SEPTIN5: variants seen among roughly 807,000 people sequenced by gnomAD.
SEPTIN5 encodes septin-5.
In SEPTIN5, 16 loss-of-function variants were observed where a neutral mutation model predicts 51.2. The observed-to-expected ratio is 0.31, with a 90% CI of 0.21 to 0.47. The LOEUF (loss-of-function observed/expected upper bound fraction) is 0.47, where lower values mean the gene tolerates loss of function less well. SEPTIN5 is among the 20% of genes least tolerant of loss of function. The probability of loss-of-function intolerance (pLI) is 0.99; values close to 1 mark genes in which losing one functional copy is unlikely to be tolerated. For missense variants in SEPTIN5, 376 were observed against 500.3 expected (o/e 0.75, Z 2.37); for synonymous variants, 208 against 191.2 (o/e 1.09, Z -0.72).
rs749017007 is a variant in SEPTIN5 at position 19,720,799 on chromosome 22, A to G, written c.647A>G (p.His216Arg). ...GAGGAGATTGACAAGTTTGGGATCC[A>G]TGTATACCAGTTCCCTGAGTGTGAC... is the stretch of plus-strand genomic sequence containing the variant. ...IREEIDKFGIHVYQFPECDSD... is the reference protein window; with the variant it reads ...IREEIDKFGIRVYQFPECDSD... Residue 216 changes from histidine to arginine, a missense_variant, in exon 8 of 12, where the codon CAT (histidine) becomes CGT (arginine). By Grantham distance (29) the His-to-Arg change is conservative (BLOSUM62 0). This residue lies in a region of SEPTIN5 where 287 missense variants were observed against 417.1 expected (regional missense o/e 0.69). Transcript: ENST00000455784. 3 of 1,613,758 alleles carry G rather than the reference A, an allele frequency of 1.9e-6. No homozygotes were observed. Among genetic ancestry groups the G allele is most frequent in the Admixed American group, 3.3e-5 (2 of 60,026 alleles).
intron 2 of SEPTIN5, among the ~76,000 whole-genome samples, chr22:19,716,125 G>A (rs1474780726): frequency 6.6e-6 from 1 of 152,210 alleles, no homozygotes; most frequent in Non-Finnish European, 1.5e-5. Context: ...CCCATCGTTT[G>A]AGGTCAACCG....
intron 2 of SEPTIN5, among the ~76,000 whole-genome samples, chr22:19,715,834 C>G (rs1489078157): frequency 1.3e-5 from 2 of 152,324 alleles, no homozygotes; most frequent in East Asian, 1.9e-4. Flanking sequence ...CTGGGAGGGG[C>G]CCCTTGGGGA....
chr22:19,715,775 G>T (rs1935903635), intron 2 of SEPTIN5, among the ~76,000 whole-genome samples: 1 of 152,188 alleles, frequency 6.6e-6, no homozygotes, highest in Non-Finnish European at 1.5e-5. Context: ...GCTGACCAGT[G>T]CCATTCTCCT....
chr22:19,718,664 G>T (rs1935957241), intron 2 of SEPTIN5: 2 of 1,287,470 alleles, frequency 1.6e-6, no homozygotes, highest in East Asian at 2.8e-5. Context: ...AAGGTCCCTC[G>T]CTGTCGCCGG....
At position 19,722,676 on chromosome 22, in the gene SEPTIN5, C is replaced by T. The variant is rs1263462247; in HGVS notation, c.*192C>T. 6 of 646,256 alleles carry T rather than the reference C, an allele frequency of 9.3e-6. No individual in the cohort carries two copies. Among genetic ancestry groups the T allele is most frequent in the African/African-American group, 3.7e-5 (2 of 54,774 alleles). 40.0% of individuals were successfully genotyped at this position (646,256 alleles called of 1,614,324 possible). A position where few individuals can be genotyped will look rare whatever the true frequency, so the allele number is the denominator to read the frequency against. On this transcript the variant is annotated 3_prime_UTR_variant, in exon 12 of 12. Coordinates refer to ENST00000455784, the MANE Select transcript of SEPTIN5 (RefSeq NM_002688.6). ...GACCGTAGCCCCCGCCCAGCTGGCC[C>T]TCTCTGACCTTGGGGGATCAGGAGC... is the stretch of plus-strand genomic sequence containing the variant.
At position 19,714,978 on chromosome 22, in the gene SEPTIN5, C is replaced by G. The variant is rs551819884; in HGVS notation, c.54+187C>G. 2.5e-4 allele frequency among the ~76,000 whole-genome samples: 38 copies of G among 152,348 alleles called. No homozygotes were observed. The South Asian group carries it at 7.9e-3, about 32-fold the overall frequency. On this transcript the variant is annotated intron_variant, in intron 2 of 11. Coordinates refer to ENST00000455784, the MANE Select transcript of SEPTIN5 (RefSeq NM_002688.6). The surrounding 1 kb of genome is among the most constrained non-coding windows in gnomAD (Gnocchi z 5.2). ...GCTTCAGAGGAGAGGAGTGGGGGCCCTGGTCCCCGGACCCGCACAGCAGGG... is the reference window on the plus strand; with the variant it reads ...GCTTCAGAGGAGAGGAGTGGGGGCCGTGGTCCCCGGACCCGCACAGCAGGG...
chr22:19,720,964 G>A, intron 8 of SEPTIN5, 95 bp downstream of exon 8: 1 of 1,105,076 alleles, frequency 9.0e-7, no homozygotes, highest in South Asian at 1.3e-5. Context: ...GCTGGAGGAG[G>A]GCCAGGTCAG....
chr22:19,720,745 T>G, intron 7 of SEPTIN5, 23 bp from the exon 8 acceptor site: 1 of 1,612,596 alleles, frequency 6.2e-7, no homozygotes, highest in African/African-American at 1.3e-5. Flanking sequence ...GCCTCAAATC[T>G]GATGGTCCTT....
rs1458551311 is a variant in SEPTIN5, at chr22:19,714,518, C to CTCGGCA, written c.-66_-65insATCGGC. On this transcript the variant is annotated 5_prime_UTR_variant, in exon 1 of 12. Transcript: ENST00000455784. The surrounding 1 kb of genome is among the most constrained non-coding windows in gnomAD (Gnocchi z 5.2). Reference sequence around the variant, plus strand: ...GGGGCCGCTCACCCCGCAGCCCGGCCTCGGCCTCCGCCGCTTGTCGTCGCG... The same window carrying CTCGGCA: ...GGGGCCGCTCACCCCGCAGCCCGGCCTCGGCATCGGCCTCCGCCGCTTGTCGTCGCG... 8.7e-7 allele frequency: 1 copy of CTCGGCA among 1,146,880 alleles called. No homozygotes were observed. The highest frequency in any genetic ancestry group is 1.6e-5 in the African/African-American group (1 of 60,668). 71.0% of individuals were successfully genotyped at this position (1,146,880 alleles called of 1,614,324 possible).
chr22:19,716,205 A>G (rs1354040137), intron 2 of SEPTIN5, among the ~76,000 whole-genome samples: 1 of 152,154 alleles, frequency 6.6e-6, no homozygotes, highest in African/African-American at 2.4e-5. Context: ...CTGTGTGGCC[A>G]AGGAAGGGAG....
intron 7 of SEPTIN5, 48 bp from the exon 8 acceptor site, chr22:19,720,720 A>AG (rs759977439): frequency 1.2e-6 from 2 of 1,611,872 alleles, no homozygotes; most frequent in Admixed American, 1.7e-5. Flanking sequence ...TGAGAGTACC[A>AG]GGGGGACTTG....
chr22:19,719,015 C>T, intron 2 of SEPTIN5: 1 of 532,208 alleles, frequency 1.9e-6, no homozygotes, highest in Non-Finnish European at 2.8e-6. Flanking sequence ...GACTCCAAAA[C>T]GCGGCGGAGA....
intron 2 of SEPTIN5, chr22:19,719,050 G>A: frequency 2.4e-6 from 1 of 411,940 alleles, no homozygotes; most frequent in Non-Finnish European, 4.0e-6. Flanking sequence ...CCCCTCCAGG[G>A]GCCCCAAGGG....
At chr22:19,721,030 A>G (rs113146898) in intron 8 of SEPTIN5, among the ~76,000 whole-genome samples, 161 bp downstream of exon 8, 47 of 152,270 alleles carry the variant, frequency 3.1e-4, no homozygotes, top group African/African-American at 1.1e-3. Context: ...TACCCCCTTC[A>G]TCCAGGGCTA....
rs1936089972 is a variant in SEPTIN5, at chr22:19,723,266, G to A, written c.*782G>A. 4 of 684,574 alleles carry A rather than the reference G, an allele frequency of 5.8e-6. No individual in the cohort carries two copies. Among genetic ancestry groups the A allele is most frequent in the Middle Eastern group, 4.6e-4 (2 of 4,316 alleles). The allele number at this position is 684,574 out of a possible 1,614,324, so 42.4% of individuals were successfully genotyped here. On this transcript the variant is annotated 3_prime_UTR_variant, in exon 12 of 12. Coordinates refer to ENST00000455784, the MANE Select transcript of SEPTIN5 (RefSeq NM_002688.6). ...GCCACACGATGCTCCGTTTTCTTCC[G>A]TTGTGAATGCCGCGTCCTGTCCTGG...
At chr22:19,720,489 C>T in intron 6 of SEPTIN5, 35 bp downstream of exon 6, 1 of 1,613,222 alleles carries the variant, frequency 6.2e-7, no homozygotes, top group East Asian at 2.2e-5. Context: ...CTCGGGAGTG[C>T]AGCCCCTACA....
chr22:19,722,732 C>T lies in SEPTIN5; in HGVS notation c.*248C>T. 3.5e-6 allele frequency: 2 copies of T among 570,972 alleles called. No homozygotes were observed. Among genetic ancestry groups the T allele is most frequent in the Admixed American group, 3.1e-5 (1 of 32,148 alleles). 35.4% of individuals were successfully genotyped at this position (570,972 alleles called of 1,614,324 possible). On this transcript the variant is annotated 3_prime_UTR_variant, in exon 12 of 12. Coordinates refer to ENST00000455784, the MANE Select transcript of SEPTIN5 (RefSeq NM_002688.6). ...TGGGCGGGACTTCAGAGATCCGCCT[C>T]CCTTGCCCTTCCCCCGCCCCCGGAC...
intron 6 of SEPTIN5, 24 bp downstream of exon 6, chr22:19,720,478 G>A (rs1936005870): frequency 1.9e-6 from 3 of 1,613,124 alleles, no homozygotes; most frequent in African/African-American, 2.7e-5. Flanking sequence ...CTGGGGCCAG[G>A]CTCGGGAGTG....
chr22:19,722,522 C>G lies in SEPTIN5; in HGVS notation c.*38C>G. ...ACACACCGTCCGTCTCCGGGACGCC[C>G]TCGCACCCCTGGACACCAGACCGGA... On this transcript the variant is annotated 3_prime_UTR_variant, in exon 12 of 12. Transcript: ENST00000455784. The G allele has an allele frequency of 6.4e-7, 1 of 1,559,760 alleles. No homozygotes were observed. The highest frequency in any genetic ancestry group is 8.7e-7 in the Non-Finnish European group (1 of 1,151,716).
Sources: gnomAD v4.1 joint callset for allele counts (sites outside exome capture counted in the v4.1 genomes callset) on GRCh38, gnomAD v4.1.1 for gene constraint, gnomAD v4.1.1 regional missense constraint, Gnocchi (gnomAD v3.1) non-coding constraint, MANE v1.5 for transcripts, NCBI Gene and HGNC (gene_info 2026-07-23, HGNC 2026-07-21) for gene names.